PPARGC1A: variants seen among roughly 807,000 people sequenced by gnomAD.
PPARGC1A encodes PPARG coactivator 1 alpha.
In PPARGC1A, 25 loss-of-function variants were observed where a neutral mutation model predicts 88.7. The observed-to-expected ratio is 0.28, with a 90% CI of 0.21 to 0.39. The LOEUF is 0.39. Among genes scored for constraint, PPARGC1A ranks in the 10% least tolerant of loss-of-function variants. PPARGC1A has a pLI of 1.00. For missense variants in PPARGC1A, 880 were observed against 968.7 expected, an observed-to-expected ratio of 0.91 and a Z score of 1.22; for synonymous variants, 363 against 355.6, an observed-to-expected ratio of 1.02 and a Z score of -0.24.
chr4:24,317,477 G>A, the PPARGC1A span, among the ~76,000 whole-genome samples: 19 of 148,440 alleles, frequency 1.3e-4, no homozygotes, highest in African/African-American at 3.0e-4. Context: ...GGGACTGAGC[G>A]GGGATTGGGA....
chr4:23,827,430 A>G (rs1577415104), intron 5 of PPARGC1A, among the ~76,000 whole-genome samples: 1 of 132,636 alleles, frequency 7.5e-6, no homozygotes, highest in Non-Finnish European at 1.7e-5. Context: ...AATGAAAGTG[A>G]AAAAAAAAAA....
the PPARGC1A span, among the ~76,000 whole-genome samples, chr4:24,381,583 A>G: frequency 6.6e-6 from 1 of 152,234 alleles, no homozygotes; most frequent in Non-Finnish European, 1.5e-5. Flanking sequence ...GCTAAAACTC[A>G]TGTTCACAAA....
chr4:23,941,522 T>A, the PPARGC1A span, among the ~76,000 whole-genome samples: 1 of 152,194 alleles, frequency 6.6e-6, no homozygotes, highest in African/African-American at 2.4e-5. Context: ...AAAATCGAAA[T>A]AATGGCCCAC....
intron 12 of PPARGC1A, among the ~76,000 whole-genome samples, chr4:23,797,357 C>CA (rs35589683): frequency 1.7e-3 from 248 of 145,218 alleles, no homozygotes; most frequent in East Asian, 6.9e-3. Flanking sequence ...TTTGTAGAGA[C>CA]AAAAAAAAAA....
At chr4:23,982,716 T>A in the PPARGC1A span, among the ~76,000 whole-genome samples, 4 of 152,202 alleles carry the variant, frequency 2.6e-5, no homozygotes, top group African/African-American at 9.6e-5. Flanking sequence ...AAGCTATTTA[T>A]TCTGGTTAAG....
upstream of PPARGC1A, among the ~76,000 whole-genome samples, chr4:23,906,991 A>G (rs1425768992): frequency 6.6e-6 from 1 of 152,172 alleles, no homozygotes; most frequent in East Asian, 1.9e-4. Flanking sequence ...ATCATAGCTA[A>G]GCTCCAGAGT....
chr4:24,007,747 T>C, the PPARGC1A span, among the ~76,000 whole-genome samples: 14 of 152,132 alleles, frequency 9.2e-5, no homozygotes, highest in Non-Finnish European at 1.5e-4. Flanking sequence ...TTAAGAACAA[T>C]CTGGAGGCAA....
At chr4:24,180,956 A>G in the PPARGC1A span, among the ~76,000 whole-genome samples, 4 of 152,202 alleles carry the variant, frequency 2.6e-5, no homozygotes, top group African/African-American at 7.2e-5. Flanking sequence ...GACTCAAAAC[A>G]TGATCCCTCT....
chr4:23,991,615 T>C, the PPARGC1A span, among the ~76,000 whole-genome samples: 3 of 152,062 alleles, frequency 2.0e-5, no homozygotes, highest in Non-Finnish European at 2.9e-5. Flanking sequence ...ACCTGCATCA[T>C]CTCAGCTTAT....
intron 2 of PPARGC1A, among the ~76,000 whole-genome samples, chr4:23,877,181 G>A (rs537525989): frequency 2.6e-5 from 4 of 152,054 alleles, no homozygotes; most frequent in Admixed American, 1.3e-4. Flanking sequence ...AGCATAGGAT[G>A]CTGCCTTGCT....
the PPARGC1A span, among the ~76,000 whole-genome samples, chr4:24,191,721 T>A: frequency 6.6e-6 from 1 of 152,172 alleles, no homozygotes; most frequent in East Asian, 1.9e-4. Flanking sequence ...AGAGGAGGCC[T>A]GTGTGATTAG....
the PPARGC1A span, among the ~76,000 whole-genome samples, chr4:24,041,886 T>G: frequency 6.6e-6 from 1 of 151,264 alleles, no homozygotes; most frequent in Non-Finnish European, 1.5e-5. Flanking sequence ...GATTGTGAGA[T>G]ATGAGGTTAT....
the PPARGC1A span, among the ~76,000 whole-genome samples, chr4:24,000,963 C>T: frequency 2.0e-5 from 3 of 152,090 alleles, no homozygotes; most frequent in African/African-American, 7.2e-5. Context: ...TTTTCTTTTC[C>T]AATATTCAGT....
At chr4:24,195,553 C>A in the PPARGC1A span, among the ~76,000 whole-genome samples, 3 of 152,106 alleles carry the variant, frequency 2.0e-5, no homozygotes, top group Admixed American at 2.0e-4. Flanking sequence ...ATACTCGGAC[C>A]AGATTTGCGT....
the PPARGC1A span, among the ~76,000 whole-genome samples, chr4:24,004,331 A>C: frequency 6.6e-6 from 1 of 152,222 alleles, no homozygotes; most frequent in Admixed American, 6.5e-5. Flanking sequence ...GGCATGAATG[A>C]ACTGAGAAAC....
intron 12 of PPARGC1A, among the ~76,000 whole-genome samples, chr4:23,800,049 T>C (rs911466529): frequency 1.3e-5 from 2 of 152,130 alleles, no homozygotes; most frequent in Non-Finnish European, 2.9e-5. Context: ...GCTTGTGGAG[T>C]GAATTATAGC....
the PPARGC1A span, among the ~76,000 whole-genome samples, chr4:23,935,866 A>G: frequency 6.6e-6 from 1 of 152,114 alleles, no homozygotes; most frequent in Non-Finnish European, 1.5e-5. Flanking sequence ...TAACAGTAAG[A>G]CATGAACCTT....
intron 2 of PPARGC1A, among the ~76,000 whole-genome samples, chr4:23,843,982 T>C (rs1303120268): frequency 6.6e-6 from 1 of 151,854 alleles, no homozygotes; most frequent in Non-Finnish European, 1.5e-5. Flanking sequence ...CAGATACATA[T>C]AAACATGCAT....
At chr4:24,136,073 C>A in the PPARGC1A span, among the ~76,000 whole-genome samples, 2,304 of 152,324 alleles carry the variant, frequency 0.015, 66 homozygotes, top group African/African-American at 0.053. Flanking sequence ...AGGTGAGGCA[C>A]ACACTGGAAT....
Sources: gnomAD v4.1 joint callset for allele counts (sites outside exome capture counted in the v4.1 genomes callset) on GRCh38, gnomAD v4.1.1 for gene constraint, MANE v1.5 for transcripts, NCBI Gene and HGNC (gene_info 2026-07-23, HGNC 2026-07-21) for gene names.